OGDH: variants seen among roughly 807,000 people sequenced by gnomAD.
OGDH encodes oxoglutarate dehydrogenase, also known as 2-oxoglutarate dehydrogenase complex component E1.
Under a neutral mutation model 116.6 loss-of-function variants are expected in OGDH, and 38 were observed. The ratio of observed to expected loss-of-function variants is 0.33; its 90% CI spans 0.25 to 0.43. OGDH has a LOEUF of 0.43. Ranked by LOEUF, OGDH falls within the 20% of genes least tolerant of loss-of-function variation. The pLI is 1.00. For synonymous variants in OGDH, 488 were observed against 533.3 expected, an observed-to-expected ratio of 0.92 and a Z score of 1.17; for missense variants, 825 against 1,357.2, an observed-to-expected ratio of 0.61 and a Z score of 6.16.
intron 5 of OGDH, among the ~76,000 whole-genome samples, chr7:44,671,796 G>A (rs1386893326): frequency 1.0e-4 from 15 of 144,352 alleles, no homozygotes; most frequent in Admixed American, 2.1e-4. Flanking sequence ...AATGCCAGAC[G>A]CGGTGGCTCA....
At chr7:44,617,843 C>T (rs1784862573) in intron 1 of OGDH, among the ~76,000 whole-genome samples, 1 of 152,118 alleles carries the variant, frequency 6.6e-6, no homozygotes, top group Non-Finnish European at 1.5e-5. Flanking sequence ...TGAGAAACAG[C>T]AGACTGTTTT....
intron 1 of OGDH, among the ~76,000 whole-genome samples, chr7:44,608,830 A>G (rs1784454895): frequency 6.6e-6 from 1 of 152,210 alleles, no homozygotes; most frequent in Non-Finnish European, 1.5e-5. Context: ...AAACAGTAAA[A>G]TTTTAAGAAA....
rs191728565 is a variant in OGDH at position 44,612,740 on chromosome 7, A to G, written c.-28+6087A>G. On this transcript the variant is annotated intron_variant, in intron 1 of 22. Transcript: ENST00000222673. Reference sequence around the variant, plus strand: ...GAGGCAGGGTCTTACTCTGTCACCCAGGCTGGAGTAGAGTGGCATTATCAC... The same window carrying G: ...GAGGCAGGGTCTTACTCTGTCACCCGGGCTGGAGTAGAGTGGCATTATCAC... Among the ~76,000 whole-genome samples the G allele has an allele frequency of 1.2e-4, 19 of 152,134 alleles. No homozygotes were observed. The East Asian group carries it at 3.1e-3, about 25-fold the overall frequency.
At chr7:44,657,680 G>T (rs1449370387) in intron 4 of OGDH, among the ~76,000 whole-genome samples, 1 of 151,904 alleles carries the variant, frequency 6.6e-6, no homozygotes, top group African/African-American at 2.4e-5. Context: ...TGTGCTTTTG[G>T]TATGAAGTCT....
At position 44,653,233 on chromosome 7, in the gene OGDH, C is replaced by T. The variant is rs534614144; in HGVS notation, c.517+5474C>T. On this transcript the variant is annotated intron_variant, in intron 4 of 22. Transcript: ENST00000222673. ...TCAGCCTCTCAAGTAGCCAGGATTA[C>T]AGATGTGCACCACCATGCCCGGCTA... Among the ~76,000 whole-genome samples, 5 of 152,156 alleles carry T rather than the reference C, an allele frequency of 3.3e-5. No homozygotes were observed. The East Asian group carries it at 9.7e-4, about 29-fold the overall frequency.
At chr7:44,670,794 A>G (rs1787402284) in intron 5 of OGDH, among the ~76,000 whole-genome samples, 1 of 152,114 alleles carries the variant, frequency 6.6e-6, no homozygotes, top group Admixed American at 6.5e-5. Context: ...GCGAATCACG[A>G]GGTCAGGAGA....
chr7:44,707,716 C>G lies in OGDH; in HGVS notation c.2931C>G (p.Ile977Met), dbSNP rs749999691. The change falls in exon 22 of 23, where the codon ATC (isoleucine) becomes ATG (methionine). Residue 977 changes from isoleucine to methionine, a missense_variant. Physicochemically the swap from Ile to Met is conservative, Grantham distance 10. This residue lies in a region of OGDH where 212 missense variants were observed against 284.3 expected (regional missense o/e 0.75). Coordinates refer to ENST00000222673, the MANE Select transcript of OGDH (RefSeq NM_002541.4). This position sits in a 1 kb window ranked among gnomAD's most constrained non-coding sequence, Gnocchi z 5.2. ...TGAAGCCAAGACTTCGGACCACCAT[C>G]AGCCGCGCCAAGCCCGTCTGGTAAG... ...DYVKPRLRTT[I>M]SRAKPVWYAG... 1.9e-6 allele frequency: 3 copies of G among 1,614,190 alleles called. No homozygotes were observed. Among genetic ancestry groups the G allele is most frequent in the African/African-American group, 1.3e-5 (1 of 75,058 alleles).
At chr7:44,621,449 G>A (rs557003049) in intron 1 of OGDH, among the ~76,000 whole-genome samples, 3 of 152,256 alleles carry the variant, frequency 2.0e-5, no homozygotes, top group Non-Finnish European at 2.9e-5. Context: ...AGAAATGTGC[G>A]TTAGTGTTGG....
intron 12 of OGDH, among the ~76,000 whole-genome samples, chr7:44,695,577 C>CTT (rs1003638595): frequency 1.3e-5 from 2 of 151,988 alleles, no homozygotes; most frequent in African/African-American, 4.8e-5. Context: ...GTGGCACGCA[C>CTT]TTGTAGTCCC....
chr7:44,648,986 C>T (rs1206814750), intron 4 of OGDH, among the ~76,000 whole-genome samples: 1 of 152,096 alleles, frequency 6.6e-6, no homozygotes, highest in Non-Finnish European at 1.5e-5. Context: ...CTGCTCACCC[C>T]TTAGTACAGC....
intron 2 of OGDH, among the ~76,000 whole-genome samples, chr7:44,636,130 A>G (rs536901753): frequency 2.0e-5 from 3 of 152,346 alleles, no homozygotes; most frequent in African/African-American, 7.2e-5. Context: ...CATGCAGTTC[A>G]TGGGAGGCAG....
intron 4 of OGDH, among the ~76,000 whole-genome samples, chr7:44,664,964 C>T (rs1156602377): frequency 1.3e-5 from 2 of 152,150 alleles, no homozygotes; most frequent in African/African-American, 2.4e-5. Context: ...CAATACACAG[C>T]GCTTATCTGG....
intron 9 of OGDH, among the ~76,000 whole-genome samples, chr7:44,681,197 A>T (rs752193384): frequency 6.6e-6 from 1 of 152,228 alleles, no homozygotes. Flanking sequence ...AAGGAAAACA[A>T]TGGTGAGTGA....
At chr7:44,616,061 C>G (rs1784754935) in intron 1 of OGDH, among the ~76,000 whole-genome samples, 1 of 151,690 alleles carries the variant, frequency 6.6e-6, no homozygotes, top group Non-Finnish European at 1.5e-5. Context: ...AATGCTCTTT[C>G]TTTGGGTCCT....
At chr7:44,646,778 G>A (rs1562637469) in intron 3 of OGDH, among the ~76,000 whole-genome samples, 1 of 151,982 alleles carries the variant, frequency 6.6e-6, no homozygotes, top group Non-Finnish European at 1.5e-5. Flanking sequence ...TTTTTGTTCT[G>A]ACTACTGTGT....
At chr7:44,657,301 A>G (rs1353580836) in intron 4 of OGDH, among the ~76,000 whole-genome samples, 1 of 152,156 alleles carries the variant, frequency 6.6e-6, no homozygotes, top group Non-Finnish European at 1.5e-5. Flanking sequence ...TTTGTTCTCC[A>G]TTTCTGAAAT....
intron 4 of OGDH, among the ~76,000 whole-genome samples, chr7:44,656,937 T>G (rs1015238423): frequency 6.6e-6 from 1 of 152,260 alleles, no homozygotes; most frequent in African/African-American, 2.4e-5. Flanking sequence ...ATCAGCCTGT[T>G]GTCATCCACC....
At chr7:44,685,223 C>T (rs1186071832) in intron 10 of OGDH, among the ~76,000 whole-genome samples, 2 of 152,140 alleles carry the variant, frequency 1.3e-5, no homozygotes, top group African/African-American at 2.4e-5. Flanking sequence ...AAAACTGTTT[C>T]GTCTCCAACA....
intron 1 of OGDH, among the ~76,000 whole-genome samples, 156 bp downstream of exon 1, chr7:44,606,809 A>G (rs1396735493): frequency 6.6e-6 from 1 of 152,098 alleles, no homozygotes; most frequent in Non-Finnish European, 1.5e-5. Flanking sequence ...AGTGGGGCTC[A>G]CGGAGGGTGG....
Sources: gnomAD v4.1 joint callset for allele counts (sites outside exome capture counted in the v4.1 genomes callset) on GRCh38, gnomAD v4.1.1 for gene constraint, gnomAD v4.1.1 regional missense constraint, Gnocchi (gnomAD v3.1) non-coding constraint, MANE v1.5 for transcripts, NCBI Gene and HGNC (gene_info 2026-07-23, HGNC 2026-07-21) for gene names.